CYRIB: variants seen among roughly 807,000 people sequenced by gnomAD.
CYRIB encodes CYFIP related Rac1 interactor B.
A neutral mutation model predicts 44.2 loss-of-function variants in CYRIB; 8 were observed. The observed-to-expected ratio is 0.18, with a 90% CI of 0.11 to 0.33. The LOEUF (loss-of-function observed/expected upper bound fraction) is 0.33. Ranked by LOEUF, CYRIB falls within the 10% of genes least tolerant of loss-of-function variation. The pLI is 1.00. For synonymous variants in CYRIB, 131 were observed against 127.2 expected, an observed-to-expected ratio of 1.03 and a Z score of -0.20; for missense variants, 185 against 382.8, an observed-to-expected ratio of 0.48 and a Z score of 4.31.
At chr8:129,920,182 G>C in intron 1 of CYRIB, among the ~76,000 whole-genome samples, 1 of 151,082 alleles carries the variant, frequency 6.6e-6, no homozygotes, top group East Asian at 1.9e-4. Context: ...TTTAAAACAT[G>C]TAAGTCCAGC....
chr8:129,968,412 C>A lies in CYRIB; in HGVS notation c.-243+2531G>T, dbSNP rs190150885. Among the ~76,000 whole-genome samples the A allele has an allele frequency of 2.0e-5, 3 of 151,918 alleles. No individual in the cohort carries two copies. The East Asian group carries it at 5.8e-4, about 29-fold the overall frequency. On this transcript the variant is annotated intron_variant, in intron 2 of 14. Coordinates refer to the CYRIB transcript ENST00000401979. ...TCCTTAGTTCTTAATCATTTTATTT[C>A]TTTTTTCTTGTGAACCTAAACTAAG...
chr8:129,916,063 T>C (rs997452286), intron 1 of CYRIB, among the ~76,000 whole-genome samples: 2 of 152,196 alleles, frequency 1.3e-5, no homozygotes, highest in African/African-American at 4.8e-5. Context: ...CCAATTCCAT[T>C]TCACAAATGG....
chr8:129,930,379 A>ATATATATATATATTTTTTTT, intron 1 of CYRIB, among the ~76,000 whole-genome samples: 1 of 130,108 alleles, frequency 7.7e-6, no homozygotes, highest in African/African-American at 2.8e-5. Context: ...ATATATATAT[A>ATATATATATATATTTTTTTT]TTTTAATTAT....
At chr8:129,972,833 AAC>A (rs1399167906) in intron 1 of CYRIB, among the ~76,000 whole-genome samples, 2 of 152,158 alleles carry the variant, frequency 1.3e-5, no homozygotes, top group Non-Finnish European at 2.9e-5. Context: ...TGATAGAAGT[AAC>A]ATGGGCCTCT....
At chr8:129,864,243 T>C (rs1452328044) in intron 4 of CYRIB, among the ~76,000 whole-genome samples, 1 of 152,260 alleles carries the variant, frequency 6.6e-6, no homozygotes, top group African/African-American at 2.4e-5. Flanking sequence ...TATTGTAACA[T>C]TGAAGAAAAT....
intron 11 of CYRIB, 141 bp downstream of exon 13, chr8:129,846,663 A>G (rs2040206580): frequency 1.6e-6 from 1 of 610,650 alleles, no homozygotes; most frequent in Non-Finnish European, 2.8e-6. Context: ...GATTATCAAT[A>G]AACAAAATAA....
Position 129,872,378 on chromosome 8 carries a change from G to C in CYRIB, c.74-882C>G, listed in dbSNP as rs555929961. ...AAACATATGGGCATTTTCACCACCT[G>C]TGGTGTTAGCCACAAAACATATGTT... On this transcript the variant is annotated intron_variant, in intron 3 of 11. Transcript: ENST00000519824. 2.0e-5 allele frequency among the ~76,000 whole-genome samples: 3 copies of C among 152,258 alleles called. No homozygotes were observed. The East Asian group carries it at 5.8e-4, about 29-fold the overall frequency.
intron 1 of CYRIB, among the ~76,000 whole-genome samples, chr8:129,923,728 C>T (rs2085363113): frequency 6.6e-6 from 1 of 151,882 alleles, no homozygotes; most frequent in South Asian, 2.1e-4. Context: ...GATAGTACAC[C>T]ATTTATGTAC....
intron 1 of CYRIB, among the ~76,000 whole-genome samples, chr8:129,972,832 T>C (rs2095762312): frequency 6.6e-6 from 1 of 151,982 alleles, no homozygotes; most frequent in South Asian, 2.1e-4. Flanking sequence ...CTGATAGAAG[T>C]AACATGGGCC....
rs183742410 is a variant in CYRIB, at chr8:129,895,840, C to T, written c.-11+7472G>A. 4.6e-4 allele frequency among the ~76,000 whole-genome samples: 70 copies of T among 152,312 alleles called. No individual in the cohort carries two copies. In the South Asian group the frequency reaches 0.01, roughly 22 times the overall value. On this transcript the variant is annotated intron_variant, in intron 2 of 11. Coordinates refer to ENST00000519824, the Ensembl canonical transcript of CYRIB. ...ACCTCAGCCTCCCAAGGTGCTACAA[C>T]TACAATTACAGGCGTGAGCCACTGC... is the stretch of plus-strand genomic sequence containing the variant.
At chr8:129,974,123 G>T (rs1004990121) in intron 1 of CYRIB, among the ~76,000 whole-genome samples, 1 of 152,048 alleles carries the variant, frequency 6.6e-6, no homozygotes, top group East Asian at 1.9e-4. Flanking sequence ...GAATCCAGCC[G>T]ACCCAACACT....
chr8:129,933,933 TTTG>T, intron 1 of CYRIB, among the ~76,000 whole-genome samples: 1 of 151,634 alleles, frequency 6.6e-6, no homozygotes, highest in South Asian at 2.1e-4. Flanking sequence ...CCTGATGTGT[TTTG>T]TGCTTGTACT....
intron 3 of CYRIB, among the ~76,000 whole-genome samples, chr8:129,876,531 A>G (rs2059184495): frequency 6.6e-6 from 1 of 152,228 alleles, no homozygotes; most frequent in Non-Finnish European, 1.5e-5. Context: ...AACTGAAGTG[A>G]AAAACAGTTA....
intron 2 of CYRIB, among the ~76,000 whole-genome samples, chr8:129,951,137 C>G (rs1411827459): frequency 6.6e-6 from 1 of 152,022 alleles, no homozygotes; most frequent in African/African-American, 2.4e-5. Context: ...GACCCCATCT[C>G]TACTAAAAAT....
chr8:129,994,579 G>A (rs565002908), intron 1 of CYRIB, among the ~76,000 whole-genome samples: 1 of 152,316 alleles, frequency 6.6e-6, no homozygotes, highest in East Asian at 1.9e-4. Context: ...CCCAGAATGG[G>A]AGGCAGGTGC....
intron 1 of CYRIB, among the ~76,000 whole-genome samples, chr8:129,927,381 T>G (rs1164919939): frequency 6.6e-6 from 1 of 152,212 alleles, no homozygotes; most frequent in Non-Finnish European, 1.5e-5. Flanking sequence ...AATGCACTCA[T>G]AGTTCTTAGC....
chr8:129,988,856 A>G (rs2096550742), intron 1 of CYRIB, among the ~76,000 whole-genome samples: 1 of 152,076 alleles, frequency 6.6e-6, no homozygotes, highest in Admixed American at 6.6e-5. Flanking sequence ...AAAAATCTAC[A>G]AAGAAAACTT....
At chr8:129,892,616 T>C (rs1409245293) in intron 2 of CYRIB, among the ~76,000 whole-genome samples, 4 of 151,932 alleles carry the variant, frequency 2.6e-5, no homozygotes, top group South Asian at 2.1e-4. Context: ...TTTCATTATA[T>C]ATTTCAAAAT....
chr8:129,879,762 C>A (rs1012879024), intron 2 of CYRIB: 2 of 294,218 alleles, frequency 6.8e-6, no homozygotes, highest in Non-Finnish European at 1.3e-5. Flanking sequence ...ATGAAAAATT[C>A]TTTAAGTATT....
Sources: gnomAD v4.1 joint callset for allele counts (sites outside exome capture counted in the v4.1 genomes callset) on GRCh38, gnomAD v4.1.1 for gene constraint, MANE v1.5 for transcripts, NCBI Gene and HGNC (gene_info 2026-07-23, HGNC 2026-07-21) for gene names.